CAMK1D: variants seen among roughly 807,000 people sequenced by gnomAD.
The protein encoded by CAMK1D is calcium/calmodulin dependent protein kinase ID, also known as calcium/calmodulin-dependent protein kinase type 1D.
Under a neutral mutation model 47.7 loss-of-function variants are expected in CAMK1D, and 9 were observed. The observed-to-expected ratio is 0.19, with a 90% confidence interval of 0.11 to 0.33. The LOEUF (loss-of-function observed/expected upper bound fraction) is 0.33, where lower values mean the gene tolerates loss of function less well. Among genes scored for constraint, CAMK1D ranks in the 10% least tolerant of loss-of-function variants. The pLI is 1.00. For synonymous variants in CAMK1D, 184 were observed against 184.9 expected (o/e 0.99, Z 0.04); for missense variants, 291 against 488.7 (o/e 0.60, Z 3.81).
intron 2 of CAMK1D, among the ~76,000 whole-genome samples, chr10:12,651,062 G>A (rs1454996074): frequency 6.6e-6 from 1 of 152,158 alleles, no homozygotes; most frequent in South Asian, 2.1e-4. Context: ...GGCTTTTTAC[G>A]ATTTACGGCA....
At chr10:12,440,282 T>C (rs1832747999) in intron 1 of CAMK1D, among the ~76,000 whole-genome samples, 1 of 124,980 alleles carries the variant, frequency 8.0e-6, no homozygotes, top group African/African-American at 2.8e-5. Flanking sequence ...GTTAGTCTTT[T>C]TGGATTTTTT....
chr10:12,423,716 A>G (rs1230963886), intron 1 of CAMK1D, among the ~76,000 whole-genome samples: 4 of 152,274 alleles, frequency 2.6e-5, no homozygotes, highest in Middle Eastern at 3.4e-3. Context: ...GATAGTTTTG[A>G]ATGTCTCAGA....
At chr10:12,618,689 T>G (rs971892660) in intron 2 of CAMK1D, among the ~76,000 whole-genome samples, 6 of 152,168 alleles carry the variant, frequency 3.9e-5, no homozygotes, top group Non-Finnish European at 7.4e-5. Context: ...TTCATCACAT[T>G]AGGCTTGGTA....
chr10:12,436,585 C>G (rs895741947), intron 1 of CAMK1D, among the ~76,000 whole-genome samples: 1 of 152,168 alleles, frequency 6.6e-6, no homozygotes, highest in African/African-American at 2.4e-5. Flanking sequence ...GGTTCCCCTA[C>G]CTGGTGGGAA....
intron 1 of CAMK1D, among the ~76,000 whole-genome samples, chr10:12,370,637 A>G (rs11596332): frequency 0.33 from 49,968 of 152,012 alleles, 8,334 homozygotes; most frequent in Middle Eastern, 0.39. Flanking sequence ...TTTTTGAGGC[A>G]GAGTCTCTAA....
At chr10:12,770,737 G>T (rs925810410) in intron 5 of CAMK1D, among the ~76,000 whole-genome samples, 5 of 152,126 alleles carry the variant, frequency 3.3e-5, no homozygotes, top group Admixed American at 6.6e-5. Context: ...TTGGGCCTTG[G>T]TCTCAGTGGC....
At chr10:12,418,164 A>AT (rs1322181167) in intron 1 of CAMK1D, among the ~76,000 whole-genome samples, 1 of 152,200 alleles carries the variant, frequency 6.6e-6, no homozygotes, top group Non-Finnish European at 1.5e-5. Context: ...ATGAATATGG[A>AT]TCCCCAGGGT....
rs1833472393 is a variant in CAMK1D at position 12,834,460 on chromosome 10, C to A, written c.*5573C>A. ...GCTGTGCATTTGGAAGCCAAACGCT[C>A]AGCATGCGGCTGCCGAGTCTGGTTT... On this transcript the variant is annotated 3_prime_UTR_variant, in exon 11 of 11. Transcript: ENST00000619168. 6.6e-6 allele frequency: 1 copy of A among 151,932 alleles called. No homozygotes were observed. The highest frequency in any genetic ancestry group is 1.5e-5 in the Non-Finnish European group (1 of 68,020). The allele number at this position is 151,932 out of a possible 1,614,324, so 9.4% of individuals were successfully genotyped here. A position where few individuals can be genotyped will look rare whatever the true frequency, so the allele number is the denominator to read the frequency against.
At chr10:12,761,176 C>A in intron 4 of CAMK1D, 90 bp downstream of exon 4, 1 of 1,480,602 alleles carries the variant, frequency 6.8e-7, no homozygotes, top group Non-Finnish European at 9.2e-7. Context: ...GGGCATGCAG[C>A]TGCTCTGATG....
chr10:12,374,461 C>T (rs997977555), intron 1 of CAMK1D, among the ~76,000 whole-genome samples: 5 of 151,950 alleles, frequency 3.3e-5, no homozygotes. Flanking sequence ...GTCTCTGTGT[C>T]CTTGCTCACG....
At chr10:12,588,382 A>G (rs769144850) in intron 2 of CAMK1D, among the ~76,000 whole-genome samples, 10 of 152,316 alleles carry the variant, frequency 6.6e-5, no homozygotes, top group Middle Eastern at 3.4e-3. Flanking sequence ...TAGTCACAGA[A>G]TGTAAATAAG....
At chr10:12,666,700 A>G (rs1840442535) in intron 2 of CAMK1D, 36 bp from the exon 3 acceptor site, 1 of 1,510,934 alleles carries the variant, frequency 6.6e-7, no homozygotes, top group Non-Finnish European at 9.2e-7. Context: ...CTATCTAATC[A>G]TACTCACTAT....
chr10:12,796,459 C>G (rs1838198708), intron 6 of CAMK1D, among the ~76,000 whole-genome samples: 1 of 152,202 alleles, frequency 6.6e-6, no homozygotes, highest in Admixed American at 6.5e-5. Context: ...CAGGGAAGGC[C>G]TAATCTGCAT....
rs1208534583 is a variant in CAMK1D at position 12,523,127 on chromosome 10, C to A, written c.93-30098C>A. The stretch of plus-strand genomic sequence containing the variant: ...CTCAGACGGGGCGGCTGGGCAGAGA[C>A]GCTCCTCACCTCCCAGACGGGGTCG... On this transcript the variant is annotated intron_variant, in intron 1 of 10. Coordinates refer to ENST00000619168, the MANE Select transcript of CAMK1D (RefSeq NM_153498.4). 2.7e-5 allele frequency among the ~76,000 whole-genome samples: 4 copies of A among 148,742 alleles called. No homozygotes were observed. The South Asian group carries it at 8.6e-4, about 32-fold the overall frequency.
At chr10:12,394,028 A>G (rs190553417) in intron 1 of CAMK1D, among the ~76,000 whole-genome samples, 6 of 152,348 alleles carry the variant, frequency 3.9e-5, no homozygotes, top group Non-Finnish European at 7.3e-5. Context: ...TTCAGACGCC[A>G]GTCACAAGTC....
intron 1 of CAMK1D, among the ~76,000 whole-genome samples, chr10:12,360,891 A>T (rs1296693916): frequency 2.0e-5 from 3 of 152,050 alleles, no homozygotes; most frequent in African/African-American, 7.3e-5. Context: ...CCAGGCCGGG[A>T]CTGCAGATAC....
chr10:12,757,640 A>G (rs898558078), intron 3 of CAMK1D, among the ~76,000 whole-genome samples: 10 of 152,170 alleles, frequency 6.6e-5, no homozygotes, highest in Middle Eastern at 3.2e-3. Context: ...ACAAAATACC[A>G]TATAGATTGG....
intron 1 of CAMK1D, among the ~76,000 whole-genome samples, chr10:12,487,760 T>A (rs1834259829): frequency 6.6e-6 from 1 of 152,244 alleles, no homozygotes; most frequent in African/African-American, 2.4e-5. Flanking sequence ...CTGTCTGTTC[T>A]AACAGCAGAA....
At position 12,816,447 on chromosome 10, in the gene CAMK1D, C is replaced by G. The variant is rs988396167; in HGVS notation, c.833+119C>G. 1.0e-5 allele frequency: 8 copies of G among 798,322 alleles called. No homozygotes were observed. The African/African-American group carries it at 1.2e-4, about 12-fold the overall frequency. 49.5% of individuals were successfully genotyped at this position (798,322 alleles called of 1,614,324 possible). A position where few individuals can be genotyped will look rare whatever the true frequency, so the allele number is the denominator to read the frequency against. On this transcript the variant is annotated intron_variant, in intron 8 of 10. Coordinates refer to ENST00000619168, the MANE Select transcript of CAMK1D (RefSeq NM_153498.4). ...CACACAGGATTATTACAAATTTCAT[C>G]TCATTCTGGCCAGTGACTTTCCTCC...
Sources: allele counts gnomAD v4.1 joint callset (sites outside exome capture counted in the v4.1 genomes callset), GRCh38; gene constraint gnomAD v4.1.1; transcripts MANE v1.5; gene names NCBI Gene and HGNC (gene_info 2026-07-23, HGNC 2026-07-21).